The following SMARCA2 variants were observed in gnomAD, a reference collection of about 807,000 sequenced individuals.
SMARCA2 encodes the protein SWI/SNF related BAF chromatin remodeling complex subunit ATPase 2, also known as SWI/SNF-related matrix-associated actin-dependent regulator of chromatin subfamily A member 2.
In SMARCA2, 61 loss-of-function variants were observed where a neutral mutation model predicts 199.8. The ratio of observed to expected loss-of-function variants is 0.31; its 90% CI spans 0.25 to 0.38. The LOEUF is 0.38. Ranked by LOEUF, SMARCA2 falls within the 10% of genes least tolerant of loss-of-function variation. The pLI is 1.00. For synonymous variants in SMARCA2, 935 were observed against 732.0 expected, an observed-to-expected ratio of 1.28 and a Z score of -4.48; for missense variants, 1,344 against 2,012.2, an observed-to-expected ratio of 0.67 and a Z score of 6.35.
intron 4 of SMARCA2, chr9:2,041,565 T>TTAGGATTTTAACA (rs1309047362): frequency 7.6e-6 from 3 of 395,820 alleles, no homozygotes; most frequent in Non-Finnish European, 1.3e-5. Context: ...TCCCTGGGAA[T>TTAGGATTTTAACA]TAGGATTTTA....
intron 3 of SMARCA2, among the ~76,000 whole-genome samples, chr9:2,038,973 T>C (rs1241977407): frequency 3.3e-5 from 5 of 152,214 alleles, no homozygotes; most frequent in African/African-American, 1.2e-4. Context: ...GGAGCTACTT[T>C]TACCATTCAG....
At chr9:2,078,572 T>C (rs887819090) in intron 14 of SMARCA2, among the ~76,000 whole-genome samples, 19 of 152,324 alleles carry the variant, frequency 1.2e-4, no homozygotes, top group Middle Eastern at 6.8e-3. Context: ...TAATTCCCTG[T>C]GTTCTACCTT....
rs150383522 is a variant in SMARCA2 at position 2,076,320 on chromosome 9, A to T, written c.2027A>T (p.Gln676Leu). The stretch of plus-strand genomic sequence containing the variant: ...GAAGTTTCTGAGAAGGATGCTAAGC[A>T]GATCATTGAGTATGTACTGCATTTT... The part of the protein sequence containing the change: ...SEEVSEKDAK[Q>L]IIETAKQDVD... Residue 676 changes from glutamine to leucine, a missense_variant, in exon 13 of 34, where the codon CAG becomes CTG. Gln to Leu is a moderately radical substitution (Grantham distance 113). Around this residue, in one of 18 missense-constraint regions of SMARCA2, gnomAD observed 106 missense variants for 179.7 expected, o/e 0.59. Coordinates refer to ENST00000349721, the MANE Select transcript of SMARCA2 (RefSeq NM_003070.5). 137 of 1,579,638 alleles carry T rather than the reference A, an allele frequency of 8.7e-5. No individual in the cohort carries two copies. The highest frequency in any genetic ancestry group is 1.1e-4 in the Non-Finnish European group (127 of 1,148,710).
chr9:2,172,765 G>A (rs1826326750), intron 29 of SMARCA2, among the ~76,000 whole-genome samples: 1 of 152,102 alleles, frequency 6.6e-6, no homozygotes, highest in South Asian at 2.1e-4. Context: ...AGCGTGCAGG[G>A]ACCAGTGTGT....
At chr9:2,037,178 A>G (rs1401658226) in intron 3 of SMARCA2, among the ~76,000 whole-genome samples, 2 of 152,332 alleles carry the variant, frequency 1.3e-5, no homozygotes, top group African/African-American at 4.8e-5. Flanking sequence ...GGTTAATGTA[A>G]GCCTTCTTAA....
chr9:2,040,317 T>C (rs1368015826), intron 4 of SMARCA2: 1 of 275,854 alleles, frequency 3.6e-6, no homozygotes, highest in East Asian at 6.6e-5. Flanking sequence ...TTCTATCCCT[T>C]TTTGTTATGA....
intron 28 of SMARCA2, among the ~76,000 whole-genome samples, chr9:2,167,899 G>A (rs1017563778): frequency 6.6e-6 from 1 of 152,134 alleles, no homozygotes; most frequent in Non-Finnish European, 1.5e-5. Context: ...GAGGTAGCTG[G>A]CCTGGGGAAT....
intron 29 of SMARCA2, among the ~76,000 whole-genome samples, chr9:2,174,729 G>T (rs7023098): frequency 0.75 from 113,038 of 151,614 alleles, 42,516 homozygotes; most frequent in Non-Finnish European, 0.81. Context: ...GAGACCACCC[G>T]AGGCAAGATG....
chr9:2,079,397 C>G (rs1821466322), intron 14 of SMARCA2, among the ~76,000 whole-genome samples: 1 of 152,232 alleles, frequency 6.6e-6, no homozygotes, highest in Non-Finnish European at 1.5e-5. Flanking sequence ...CTACTCTTAA[C>G]ACTTGGTACT....
chr9:2,102,874 A>G (rs367654975), intron 22 of SMARCA2, among the ~76,000 whole-genome samples: 2 of 152,180 alleles, frequency 1.3e-5, no homozygotes, highest in African/African-American at 4.8e-5. Context: ...ATAGAGCCCT[A>G]AAGAGTCTGT....
intron 4 of SMARCA2, 127 bp from the exon 5 acceptor site, chr9:2,047,102 T>C (rs1332882866): frequency 5.2e-6 from 3 of 582,098 alleles, no homozygotes; most frequent in Non-Finnish European, 6.5e-6. Flanking sequence ...TTTTTCCTTC[T>C]CTTCCCTCAG....
chr9:2,150,547 C>G (rs989200394), intron 27 of SMARCA2, among the ~76,000 whole-genome samples: 2 of 151,722 alleles, frequency 1.3e-5, no homozygotes, highest in African/African-American at 4.8e-5. Flanking sequence ...AAAGATAAAG[C>G]CTGCCATCGT....
At chr9:2,042,556 G>T (rs1039609902) in intron 4 of SMARCA2, 2 of 152,100 alleles carry the variant, frequency 1.3e-5, no homozygotes, top group African/African-American at 4.8e-5. Context: ...TTTAAAGGAT[G>T]AAGTTCCATT....
chr9:2,106,522 T>G (rs1196811934), intron 23 of SMARCA2, among the ~76,000 whole-genome samples: 2 of 152,128 alleles, frequency 1.3e-5, no homozygotes, highest in Non-Finnish European at 2.9e-5. Context: ...CTTTTAAGGG[T>G]GGACAGAACT....
intron 19 of SMARCA2, among the ~76,000 whole-genome samples, chr9:2,092,736 G>T (rs1563763167): frequency 6.6e-6 from 1 of 152,156 alleles, no homozygotes; most frequent in Non-Finnish European, 1.5e-5. Flanking sequence ...CAGCACCTCA[G>T]TTTTACATAT....
At chr9:2,183,344 T>C (rs573339986) in intron 31 of SMARCA2, among the ~76,000 whole-genome samples, 1 of 152,328 alleles carries the variant, frequency 6.6e-6, no homozygotes, top group East Asian at 1.9e-4. Flanking sequence ...AATTCTCTTT[T>C]TACTCCCCTT....
intron 19 of SMARCA2, among the ~76,000 whole-genome samples, chr9:2,092,800 A>G (rs1209243163): frequency 6.6e-6 from 1 of 152,206 alleles, no homozygotes; most frequent in African/African-American, 2.4e-5. Context: ...TACTGGGAGA[A>G]TCACCCCCGT....
intron 26 of SMARCA2, among the ~76,000 whole-genome samples, chr9:2,122,954 G>A (rs993678133): frequency 7.2e-5 from 11 of 152,348 alleles, no homozygotes; most frequent in African/African-American, 2.6e-4. Flanking sequence ...ATTAAAAAGA[G>A]AGAAGGTGGG....
At chr9:2,140,637 G>T (rs940664384) in intron 27 of SMARCA2, among the ~76,000 whole-genome samples, 4 of 152,206 alleles carry the variant, frequency 2.6e-5, no homozygotes, top group Non-Finnish European at 5.9e-5. Context: ...ATACAGAAGA[G>T]TGAAGAAAGA....
Sources: allele counts gnomAD v4.1 joint callset (sites outside exome capture counted in the v4.1 genomes callset), GRCh38; gene constraint gnomAD v4.1.1; regional missense constraint gnomAD v4.1.1; transcripts MANE v1.5; gene names NCBI Gene and HGNC (gene_info 2026-07-23, HGNC 2026-07-21).